CLVS1: variants seen among roughly 807,000 people sequenced by gnomAD.
The protein encoded by CLVS1 is clavesin-1.
Under a neutral mutation model 33.1 loss-of-function variants are expected in CLVS1, and 10 were observed. The observed-to-expected ratio is 0.30, with a 90% CI of 0.19 to 0.51. The LOEUF is 0.51. Among genes scored for constraint, CLVS1 ranks in the 20% least tolerant of loss-of-function variants. The pLI is 0.97. For synonymous variants in CLVS1, 163 were observed against 166.1 expected (o/e 0.98, Z 0.14); for missense variants, 343 against 433.4 (o/e 0.79, Z 1.85).
chr8:61,444,430 A>G (rs1362628405), intron 3 of CLVS1, among the ~76,000 whole-genome samples: 1 of 152,238 alleles, frequency 6.6e-6, no homozygotes, highest in African/African-American at 2.4e-5. Flanking sequence ...GAGCATTTTT[A>G]ACATGAATCA....
At chr8:61,387,784 C>A (rs943477288) in intron 3 of CLVS1, among the ~76,000 whole-genome samples, 3 of 152,166 alleles carry the variant, frequency 2.0e-5, no homozygotes, top group Non-Finnish European at 2.9e-5. Context: ...TTAATTCCAT[C>A]CAGGTTGCTG....
chr8:61,173,125 G>C (rs1326344265), intron 2 of CLVS1, among the ~76,000 whole-genome samples: 1 of 152,012 alleles, frequency 6.6e-6, no homozygotes, highest in African/African-American at 2.4e-5. Flanking sequence ...CATCTTTTCA[G>C]TTCCTTCTTT....
chr8:61,263,608 C>A (rs1163752801), intron 2 of CLVS1, among the ~76,000 whole-genome samples: 6 of 152,020 alleles, frequency 3.9e-5, no homozygotes. Context: ...TCTACTTTTT[C>A]TTTTTTTGAT....
intron 2 of CLVS1, among the ~76,000 whole-genome samples, chr8:61,363,510 A>G (rs1292822154): frequency 1.3e-5 from 2 of 152,160 alleles, no homozygotes; most frequent in Non-Finnish European, 2.9e-5. Flanking sequence ...AAAGAAACCA[A>G]TGTTTTCTTT....
At chr8:60,983,643 TC>T in the CLVS1 span, among the ~76,000 whole-genome samples, 1 of 152,154 alleles carries the variant, frequency 6.6e-6, no homozygotes, top group Non-Finnish European at 1.5e-5. Context: ...GGAGGGAGCA[TC>T]AAGGTTTATG....
chr8:61,378,864 A>G (rs1187474360), intron 3 of CLVS1, among the ~76,000 whole-genome samples: 1 of 152,214 alleles, frequency 6.6e-6, no homozygotes, highest in Non-Finnish European at 1.5e-5. Context: ...TCAGGTAGCC[A>G]TTAACCCCTC....
the CLVS1 span, among the ~76,000 whole-genome samples, chr8:60,971,467 A>G: frequency 1.3e-5 from 2 of 152,176 alleles, no homozygotes; most frequent in African/African-American, 4.8e-5. Context: ...AGTAATGCTC[A>G]CTTTGATTTT....
the CLVS1 span, among the ~76,000 whole-genome samples, chr8:61,014,526 G>A: frequency 2.6e-5 from 4 of 152,194 alleles, no homozygotes; most frequent in East Asian, 1.9e-4. Flanking sequence ...TCAACTGTAC[G>A]TACACATCAG....
chr8:61,280,355 T>C (rs948247982), intron 2 of CLVS1, among the ~76,000 whole-genome samples: 17 of 152,198 alleles, frequency 1.1e-4, no homozygotes, highest in Non-Finnish European at 2.2e-4. Flanking sequence ...TAGAACCTGA[T>C]TACAACAGCA....
At chr8:60,979,877 T>C in the CLVS1 span, among the ~76,000 whole-genome samples, 1 of 152,190 alleles carries the variant, frequency 6.6e-6, no homozygotes, top group Non-Finnish European at 1.5e-5. Context: ...GAAAATAAAC[T>C]CTGGTCCAGT....
At chr8:60,991,724 T>C in the CLVS1 span, among the ~76,000 whole-genome samples, 1 of 150,616 alleles carries the variant, frequency 6.6e-6, no homozygotes, top group East Asian at 1.9e-4. Context: ...TTTCACCCTT[T>C]GGCCTGATCA....
chr8:61,379,800 G>A (rs1307397469), intron 3 of CLVS1, among the ~76,000 whole-genome samples: 1 of 152,178 alleles, frequency 6.6e-6, no homozygotes, highest in Non-Finnish European at 1.5e-5. Flanking sequence ...GTCATCTCCA[G>A]TGAAGCCTCG....
At chr8:61,199,826 T>G (rs1372839744) in intron 2 of CLVS1, among the ~76,000 whole-genome samples, 1 of 152,236 alleles carries the variant, frequency 6.6e-6, no homozygotes. Context: ...AGAAACTTGC[T>G]TTCTCTGCTA....
the CLVS1 span, among the ~76,000 whole-genome samples, chr8:60,969,097 G>T: frequency 3.9e-5 from 6 of 152,118 alleles, no homozygotes; most frequent in African/African-American, 1.4e-4. Context: ...GTGAAGCAGG[G>T]ACACCAAGGC....
chr8:61,049,824 C>CT, the CLVS1 span, among the ~76,000 whole-genome samples: 2 of 152,086 alleles, frequency 1.3e-5, no homozygotes, highest in African/African-American at 2.4e-5. Flanking sequence ...CATAATGAGT[C>CT]TTTTTTTTAG....
chr8:61,494,654 C>T (rs1486120049), intron 5 of CLVS1, among the ~76,000 whole-genome samples: 1 of 45,320 alleles, frequency 2.2e-5, no homozygotes, highest in Non-Finnish European at 5.8e-5. Flanking sequence ...GTGGTGGAGA[C>T]ATGTTTCAGT....
intron 2 of CLVS1, among the ~76,000 whole-genome samples, chr8:61,138,587 G>A (rs1045806514): frequency 3.3e-5 from 5 of 151,676 alleles, no homozygotes; most frequent in African/African-American, 9.8e-5. Flanking sequence ...GGAGACGGGG[G>A]GCAGGGAGGT....
Position 61,122,569 on chromosome 8 carries a change from A to AACACACACACACACACAC in CLVS1, c.-242-9175_-242-9158dup, listed in dbSNP as rs4033855. Reference sequence around the variant, plus strand: ...GAATGACATCAGCCTATATTAAGAAAACACACACACACACACACACACACA... The same window carrying AACACACACACACACACAC: ...GAATGACATCAGCCTATATTAAGAAAACACACACACACACACACACACACACACACACACACACACACA... On this transcript the variant is annotated intron_variant, in intron 1 of 2. Coordinates refer to the CLVS1 transcript ENST00000522621. Among the ~76,000 whole-genome samples, 23 of 144,642 alleles carry AACACACACACACACACAC rather than the reference A, an allele frequency of 1.6e-4. 1 individual carries two copies. Among genetic ancestry groups the AACACACACACACACACAC allele is most frequent in the South Asian group, 1.1e-3 (5 of 4,480 alleles). 94.9% of individuals were successfully genotyped at this position (144,642 alleles called of 152,430 possible). A position where few individuals can be genotyped will look rare whatever the true frequency, so the allele number is the denominator to read the frequency against.
chr8:61,260,283 T>A (rs566948949), intron 2 of CLVS1, among the ~76,000 whole-genome samples: 10 of 152,372 alleles, frequency 6.6e-5, no homozygotes, highest in Non-Finnish European at 1.0e-4. Flanking sequence ...AGCTTGCTTA[T>A]TTAAATTAAT....
Sources: allele counts gnomAD v4.1 joint callset (sites outside exome capture counted in the v4.1 genomes callset), GRCh38; gene constraint gnomAD v4.1.1; transcripts MANE v1.5; gene names NCBI Gene and HGNC (gene_info 2026-07-23, HGNC 2026-07-21).